FAM120A: variants seen among roughly 807,000 people sequenced by gnomAD.
FAM120A encodes the protein constitutive coactivator of PPAR-gamma-like protein 1.
A neutral mutation model predicts 109.7 loss-of-function variants in FAM120A; 15 were observed. That is an observed-to-expected ratio of 0.14 (90% CI 0.09 to 0.21). The LOEUF (loss-of-function observed/expected upper bound fraction) is 0.21. Ranked by LOEUF, FAM120A falls within the 10% of genes least tolerant of loss-of-function variation. The probability of loss-of-function intolerance (pLI) is 1.00; values close to 1 mark genes in which losing one functional copy is unlikely to be tolerated. For synonymous variants in FAM120A, 493 were observed against 572.8 expected, an observed-to-expected ratio of 0.86 and a Z score of 1.99; for missense variants, 899 against 1,439.3, an observed-to-expected ratio of 0.62 and a Z score of 6.07.
At chr9:93,471,070 C>T (rs1403994061) in intron 1 of FAM120A, 71 bp from the exon 2 acceptor site, 4 of 1,542,732 alleles carry the variant, frequency 2.6e-6, no homozygotes, top group African/African-American at 2.8e-5. Flanking sequence ...TCTGTGCAAA[C>T]ATTTCTGCTT....
Position 93,452,182 on chromosome 9 carries a change from C to T in FAM120A, c.267C>T (p.Asn89=). 2 of 1,611,858 alleles carry T rather than the reference C, an allele frequency of 1.2e-6. No individual in the cohort carries two copies. The highest frequency in any genetic ancestry group is 1.7e-6 in the Non-Finnish European group (2 of 1,179,758). The part of the protein sequence containing the change: ...AALAKACFGG[N]IELFVFFNGA... ...TGGCCAAGGCCTGCTTCGGCGGCAA[C>T]ATCGAGCTCTTCGTCTTCTTCAACG... The change falls in exon 1 of 18, where the codon AAC becomes AAT. Residue 89 remains asparagine, a synonymous_variant. Transcript: ENST00000277165. The surrounding 1 kb of genome is among the most constrained non-coding windows in gnomAD (Gnocchi z 7.0).
At position 93,513,802 on chromosome 9, in the gene FAM120A, G is replaced by A. The variant is rs557589967; in HGVS notation, c.1031-1865G>A. On this transcript the variant is annotated intron_variant, in intron 5 of 17. Coordinates refer to ENST00000277165, the MANE Select transcript of FAM120A (RefSeq NM_014612.5). ...CTCAGGAGGCCGGACCAAGGACAGCGTTTGCACTCCTGGTCTCACCACGCC... is the reference window on the plus strand; with the variant it reads ...CTCAGGAGGCCGGACCAAGGACAGCATTTGCACTCCTGGTCTCACCACGCC... 2.0e-5 allele frequency among the ~76,000 whole-genome samples: 3 copies of A among 152,354 alleles called. No individual in the cohort carries two copies. The South Asian group carries it at 6.2e-4, about 32-fold the overall frequency.
intron 5 of FAM120A, among the ~76,000 whole-genome samples, chr9:93,503,641 T>G (rs538637267): frequency 6.6e-6 from 1 of 152,222 alleles, no homozygotes; most frequent in African/African-American, 2.4e-5. Context: ...ACTGTAACGG[T>G]GGATACATGG....
chr9:93,561,851 A>G (rs1233059062), intron 16 of FAM120A, among the ~76,000 whole-genome samples: 2 of 152,208 alleles, frequency 1.3e-5, no homozygotes, highest in African/African-American at 4.8e-5. Flanking sequence ...TTTTCAAATC[A>G]AATGCATTGG....
At chr9:93,502,565 T>TACACACACACAC (rs6151079) in intron 5 of FAM120A, among the ~76,000 whole-genome samples, 2,395 of 146,768 alleles carry the variant, frequency 0.016, 37 homozygotes, top group South Asian at 0.027. Flanking sequence ...GGAGGACACA[T>TACACACACACAC]ACACACACAC....
intron 7 of FAM120A, among the ~76,000 whole-genome samples, chr9:93,517,997 G>T (rs906074370): frequency 5.9e-5 from 9 of 152,118 alleles, no homozygotes; most frequent in African/African-American, 1.7e-4. Flanking sequence ...TTTATTCCTG[G>T]TATGGCATCT....
intron 8 of FAM120A, among the ~76,000 whole-genome samples, chr9:93,527,614 A>ATTTTTT (rs67894788): frequency 6.2e-5 from 5 of 80,700 alleles, no homozygotes; most frequent in Admixed American, 1.8e-4. Flanking sequence ...TTTGTATTTA[A>ATTTTTT]TTTTTTTTTT....
intron 3 of FAM120A, among the ~76,000 whole-genome samples, chr9:93,478,522 G>A (rs371628556): frequency 1.3e-5 from 2 of 152,172 alleles, no homozygotes; most frequent in Non-Finnish European, 2.9e-5. Context: ...TGTCACCCAG[G>A]ATGGAGTACA....
intron 1 of FAM120A, among the ~76,000 whole-genome samples, chr9:93,459,160 C>T (rs981089312): frequency 2.0e-5 from 3 of 152,204 alleles, no homozygotes; most frequent in African/African-American, 7.2e-5. Flanking sequence ...TGGGAATACA[C>T]ACACAGCATG....
chr9:93,536,429 A>G (rs1252853908), intron 10 of FAM120A, among the ~76,000 whole-genome samples: 10 of 152,250 alleles, frequency 6.6e-5, no homozygotes, highest in Non-Finnish European at 1.2e-4. Flanking sequence ...AAATAGCTTC[A>G]GAACCTTATC....
chr9:93,504,413 G>T (rs1199422384), intron 5 of FAM120A, among the ~76,000 whole-genome samples: 1 of 152,086 alleles, frequency 6.6e-6, no homozygotes, highest in East Asian at 1.9e-4. Flanking sequence ...TAATATCTTA[G>T]CCCTCTTATA....
chr9:93,548,797 C>T (rs370809700), intron 11 of FAM120A, among the ~76,000 whole-genome samples: 6 of 152,066 alleles, frequency 3.9e-5, no homozygotes, highest in African/African-American at 1.4e-4. Context: ...AATCCCAGCA[C>T]TTTGGGAGGC....
chr9:93,546,070 G>A (rs1181453625), intron 11 of FAM120A, among the ~76,000 whole-genome samples: 1 of 152,032 alleles, frequency 6.6e-6, no homozygotes, highest in Non-Finnish European at 1.5e-5. Context: ...ACAGACATGA[G>A]CCACCGCACC....
At position 93,543,214 on chromosome 9, in the gene FAM120A, T is replaced by C. The variant is rs201922457; in HGVS notation, c.1910-8T>C. ...GAATGTGTCTTCTCTGGCTTTTTTT[T>C]CCTGTAGTTTCACCAGTGATCATTA... On this transcript the variant is annotated splice_region_variant and splice_polypyrimidine_tract_variant and intron_variant, in intron 10 of 17. Coordinates refer to ENST00000277165, the MANE Select transcript of FAM120A (RefSeq NM_014612.5). 9.1e-4 allele frequency: 1,471 copies of C among 1,610,996 alleles called. No individual in the cohort carries two copies. The highest frequency in any genetic ancestry group is 1.1e-3 in the Non-Finnish European group (1,333 of 1,177,550).
At chr9:93,541,843 C>G (rs1861712841) in intron 10 of FAM120A, among the ~76,000 whole-genome samples, 1 of 152,164 alleles carries the variant, frequency 6.6e-6, no homozygotes, top group South Asian at 2.1e-4. Flanking sequence ...ACACTGTTAC[C>G]TGACTTGTCA....
chr9:93,453,692 A>G, intron 1 of FAM120A: 3 of 907,876 alleles, frequency 3.3e-6, no homozygotes, highest in Non-Finnish European at 2.6e-6. Context: ...CGCCTGGCAG[A>G]CACACAGCTG....
Position 93,532,102 on chromosome 9 carries a change from G to A in FAM120A, c.1735-53G>A. On this transcript the variant is annotated intron_variant, in intron 9 of 17. Transcript: ENST00000277165. This position sits in a 1 kb window ranked among gnomAD's most constrained non-coding sequence, Gnocchi z 4.3. ...TACAGTATATTTCTGTGAGTGTATTGTAAATTCAACATGAAAAATGTGCAA... is the reference window on the plus strand; with the variant it reads ...TACAGTATATTTCTGTGAGTGTATTATAAATTCAACATGAAAAATGTGCAA... The A allele has an allele frequency of 6.5e-7, 1 of 1,529,372 alleles. No homozygotes were observed. Among genetic ancestry groups the A allele is most frequent in the South Asian group, 1.1e-5 (1 of 87,416 alleles). 94.7% of individuals were successfully genotyped at this position (1,529,372 alleles called of 1,614,324 possible).
In FAM120A at chr9:93,502,267, G is replaced by GC. The variant is rs1253258245; in HGVS notation, c.1030+3382dup. 3.4e-4 allele frequency among the ~76,000 whole-genome samples: 52 copies of GC among 152,286 alleles called. 2 individuals are homozygous for GC. Among genetic ancestry groups the GC allele is most frequent in the African/African-American group, 1.2e-3 (51 of 41,550 alleles). On this transcript the variant is annotated intron_variant, in intron 5 of 17. Transcript: ENST00000277165. The stretch of plus-strand genomic sequence containing the variant: ...GGTAATCATATTATAAGCTTAGAGA[G>GC]CATGGCTATAGGGGAAAAACATGGG...
At chr9:93,533,199 GGT>G (rs1861395109) in intron 10 of FAM120A, among the ~76,000 whole-genome samples, 1 of 152,204 alleles carries the variant, frequency 6.6e-6, no homozygotes, top group Non-Finnish European at 1.5e-5. Context: ...TTGTTTGTGT[GGT>G]GGGTCAATGC....
Sources: gnomAD v4.1 joint callset for allele counts (sites outside exome capture counted in the v4.1 genomes callset) on GRCh38, gnomAD v4.1.1 for gene constraint, Gnocchi (gnomAD v3.1) non-coding constraint, MANE v1.5 for transcripts, NCBI Gene and HGNC (gene_info 2026-07-23, HGNC 2026-07-21) for gene names.